Variants in ABCC1 observed in about 807,000 individuals in gnomAD.
The protein encoded by ABCC1 is multidrug resistance-associated protein 1.
A neutral mutation model predicts 172.9 loss-of-function variants in ABCC1; 83 were observed. The observed-to-expected ratio is 0.48, with a 90% CI of 0.40 to 0.58. ABCC1 has a LOEUF of 0.58. Among genes scored for constraint, ABCC1 ranks in the 20% least tolerant of loss-of-function variants. ABCC1 has a pLI of 0.00. For missense variants in ABCC1, 1,817 were observed against 2,002.7 expected, an observed-to-expected ratio of 0.91 and a Z score of 1.77; for synonymous variants, 937 against 825.2, an observed-to-expected ratio of 1.14 and a Z score of -2.32.
chr16:16,071,729 G>GGTGTGTGT lies in ABCC1; in HGVS notation c.1912+5_1912+12dup, dbSNP rs763357938. 1 of 1,612,062 alleles carries GGTGTGTGT rather than the reference G, an allele frequency of 6.2e-7. No individual in the cohort carries two copies. The highest frequency in any genetic ancestry group is 8.5e-7 in the Non-Finnish European group (1 of 1,178,910). On this transcript the variant is annotated frameshift_variant and splice_region_variant. Transcript: ENST00000399410. LOFTEE classifies it high-confidence loss of function. ...CATCGAGCGACGGCCTGTCAAAGAC[G>GGTGTGTGT]GTGTGTGTGTGTTCAGTCCTGGCTT... is the stretch of plus-strand genomic sequence containing the variant.
chr16:16,112,551 G>T (rs1446787706), intron 22 of ABCC1, among the ~76,000 whole-genome samples: 1 of 152,168 alleles, frequency 6.6e-6, no homozygotes, highest in Non-Finnish European at 1.5e-5. Context: ...CTGTGAGGTA[G>T]GAGTTAATAT....
rs937071978 is a variant in ABCC1, at chr16:15,993,746, A to C, written c.49-14070A>C. On this transcript the variant is annotated intron_variant, in intron 1 of 30. Transcript: ENST00000399410. ...TGTTAACCACTACCCTGCACTGCTC[A>C]CATGCGGGGGTGGGTGGGTGGGAAG... 1.8e-4 allele frequency among the ~76,000 whole-genome samples: 12 copies of C among 66,254 alleles called. No individual in the cohort carries two copies. The East Asian group carries it at 5.1e-3, about 28-fold the overall frequency. The allele number at this position is 66,254 out of a possible 152,430, so 43.5% of individuals were successfully genotyped here. A position where few individuals can be genotyped will look rare whatever the true frequency, so the allele number is the denominator to read the frequency against.
chr16:16,120,099 A>G (rs1259246545), intron 23 of ABCC1, among the ~76,000 whole-genome samples: 1 of 152,036 alleles, frequency 6.6e-6, no homozygotes, highest in African/African-American at 2.4e-5. Context: ...CCGTGCCGCC[A>G]CCCAGGAAGA....
intron 16 of ABCC1, among the ~76,000 whole-genome samples, chr16:16,081,281 T>C (rs1012723464): frequency 1.3e-5 from 2 of 152,236 alleles, no homozygotes; most frequent in Admixed American, 6.5e-5. Context: ...GCTGTTGTTT[T>C]AAGAAATGTT....
In ABCC1 at chr16:16,111,444, C is replaced by G; in HGVS notation, c.2941C>G (p.Leu981Val). 1 of 1,614,148 alleles carries G rather than the reference C, an allele frequency of 6.2e-7. No individual in the cohort carries two copies. The highest frequency in any genetic ancestry group is 1.1e-5 in the South Asian group (1 of 91,076). The change falls in exon 22 of 31, where the codon CTT (leucine) becomes GTT (valine). Residue 981 changes from leucine to valine, a missense_variant. Leu to Val is a conservative substitution (Grantham distance 32, BLOSUM62 1). Transcript: ENST00000399410. ...CTTCATCTCCTTCCTCAGCATCTTCCTTTTCATGTGTAACCATGTGTCCGC... is the reference window on the plus strand; with the variant it reads ...CTTCATCTCCTTCCTCAGCATCTTCGTTTTCATGTGTAACCATGTGTCCGC... Reference protein sequence around the residue: ...GLFISFLSIFLFMCNHVSALA... With the variant: ...GLFISFLSIFVFMCNHVSALA...
rs1271635236 is a variant in ABCC1, at chr16:16,136,389, C to T, written c.4126-89C>T. The stretch of plus-strand genomic sequence containing the variant: ...AGGAGCTCTGATACCCCACCTTCAA[C>T]AGTCCTGGCCAGAAGTCCTTAGGTC... On this transcript the variant is annotated intron_variant, in intron 28 of 30. Transcript: ENST00000399410. 8.4e-6 allele frequency: 12 copies of T among 1,430,474 alleles called. No homozygotes were observed. In the East Asian group the frequency reaches 9.3e-5, roughly 11 times the overall value. 88.6% of individuals were successfully genotyped at this position (1,430,474 alleles called of 1,614,324 possible). A position where few individuals can be genotyped will look rare whatever the true frequency, so the allele number is the denominator to read the frequency against.
intron 30 of ABCC1, 101 bp from the exon 31 acceptor site, chr16:16,141,072 G>C (rs534719764): frequency 2.1e-6 from 2 of 955,204 alleles, no homozygotes; most frequent in South Asian, 2.9e-5. Flanking sequence ...AAAGTGTTAG[G>C]GGCCTGACCC....
chr16:16,067,154 G>A (rs1001771062), intron 12 of ABCC1, among the ~76,000 whole-genome samples: 1 of 152,166 alleles, frequency 6.6e-6, no homozygotes, highest in Admixed American at 6.5e-5. Flanking sequence ...GGAGGCTGAG[G>A]TGGGAGGAAT....
rs745416375 is a variant in ABCC1, at chr16:16,036,453, C to A, written c.678-19C>A. 8.1e-6 allele frequency: 13 copies of A among 1,609,522 alleles called. No individual in the cohort carries two copies. The highest frequency in any genetic ancestry group is 8.5e-6 in the Non-Finnish European group (10 of 1,177,586). ...GTCATTGACTCTCATTGCCTAACCC[C>A]CTTGTGTCTTGGCCCCAGGTTGATT... On this transcript the variant is annotated intron_variant, in intron 6 of 30. Coordinates refer to ENST00000399410, the MANE Select transcript of ABCC1 (RefSeq NM_004996.4).
chr16:16,087,615 G>A (rs2051062204), intron 18 of ABCC1, among the ~76,000 whole-genome samples: 1 of 152,018 alleles, frequency 6.6e-6, no homozygotes, highest in Admixed American at 6.6e-5. Context: ...CCACCACCAC[G>A]CCTGGCTAAT....
intron 11 of ABCC1, among the ~76,000 whole-genome samples, chr16:16,055,241 A>G (rs2049598215): frequency 6.6e-6 from 1 of 151,694 alleles, no homozygotes; most frequent in African/African-American, 2.4e-5. Flanking sequence ...AAAAAAAAAG[A>G]AAACTGGGCT....
chr16:15,956,528 G>A (rs1228077864), intron 1 of ABCC1, among the ~76,000 whole-genome samples: 1 of 151,968 alleles, frequency 6.6e-6, no homozygotes, highest in South Asian at 2.1e-4. Context: ...TAGAGATGGG[G>A]AGCTTGCTGT....
chr16:16,054,657 A>T (rs1159421428), intron 11 of ABCC1, among the ~76,000 whole-genome samples: 1 of 151,940 alleles, frequency 6.6e-6, no homozygotes, highest in Non-Finnish European at 1.5e-5. Flanking sequence ...CAGTCTCTTG[A>T]TGTGTAGGAT....
intron 27 of ABCC1, among the ~76,000 whole-genome samples, chr16:16,133,101 A>G (rs1466312362): frequency 6.6e-6 from 1 of 152,074 alleles, no homozygotes; most frequent in Non-Finnish European, 1.5e-5. Flanking sequence ...GAAGTGAGAA[A>G]TTGTCAGAAT....
At chr16:16,097,756 C>T (rs1824667891) in intron 19 of ABCC1, among the ~76,000 whole-genome samples, 1 of 152,182 alleles carries the variant, frequency 6.6e-6, no homozygotes, top group Non-Finnish European at 1.5e-5. Context: ...ATCTGTCTGT[C>T]GGGTGTGTAC....
intron 1 of ABCC1, among the ~76,000 whole-genome samples, chr16:15,996,301 T>G (rs527440824): frequency 2.6e-5 from 4 of 152,298 alleles, no homozygotes; most frequent in African/African-American, 9.6e-5. Context: ...TTTTAAATTT[T>G]TTTGTAGAGA....
At chr16:15,971,595 C>T (rs552348163) in intron 1 of ABCC1, among the ~76,000 whole-genome samples, 3 of 152,254 alleles carry the variant, frequency 2.0e-5, no homozygotes, top group African/African-American at 7.2e-5. Context: ...GGGTTTTGGG[C>T]GACGACTTCT....
intron 12 of ABCC1, among the ~76,000 whole-genome samples, chr16:16,059,920 C>T (rs370193490): frequency 3.3e-5 from 5 of 151,820 alleles, no homozygotes; most frequent in African/African-American, 7.3e-5. Context: ...CGTTTGAACC[C>T]GGGAGGCGGA....
chr16:15,951,077 C>T (rs2045860542), intron 1 of ABCC1, among the ~76,000 whole-genome samples: 1 of 152,114 alleles, frequency 6.6e-6, no homozygotes, highest in Non-Finnish European at 1.5e-5. Flanking sequence ...GTGATTGGAG[C>T]CTCTTTGCAG....
Sources: gnomAD v4.1 joint callset for allele counts (sites outside exome capture counted in the v4.1 genomes callset) on GRCh38, gnomAD v4.1.1 for gene constraint, MANE v1.5 for transcripts, NCBI Gene and HGNC (gene_info 2026-07-23, HGNC 2026-07-21) for gene names.